The following DTNA variants were observed in gnomAD, a reference collection of about 807,000 sequenced individuals.
DTNA encodes dystrobrevin alpha, also known as dystrophin-related protein 3.
DTNA carries 43 observed loss-of-function variants against 100.7 expected under a neutral mutation model. The ratio of observed to expected loss-of-function variants is 0.43; its 90% CI spans 0.33 to 0.55. DTNA has a LOEUF of 0.55. Among genes scored for constraint, DTNA ranks in the 20% least tolerant of loss-of-function variants. The pLI is 0.04. For missense variants in DTNA, 798 were observed against 953.9 expected, an observed-to-expected ratio of 0.84 and a Z score of 2.15; for synonymous variants, 349 against 347.9, an observed-to-expected ratio of 1.00 and a Z score of -0.04.
At chr18:34,660,292 G>A (rs994442640) in intron 1 of DTNA, among the ~76,000 whole-genome samples, 5 of 151,836 alleles carry the variant, frequency 3.3e-5, no homozygotes, top group Non-Finnish European at 7.4e-5. Context: ...GAGAGGAAGT[G>A]GGGGGTCAGA....
chr18:34,555,656 G>A lies in DTNA; in HGVS notation c.-2+62142G>A, dbSNP rs1485013987. Among the ~76,000 whole-genome samples, 9 of 152,232 alleles carry A rather than the reference G, an allele frequency of 5.9e-5. No homozygotes were observed. The East Asian group carries it at 1.7e-3, about 29-fold the overall frequency. The stretch of plus-strand genomic sequence containing the variant: ...GTATCCAGTAGTCGTTCAGGAGCAG[G>A]TTGTTCAGTTTCCATGTAGTTGAGC... On this transcript the variant is annotated intron_variant, in intron 1 of 19. Transcript: ENST00000283365.
intron 1 of DTNA, among the ~76,000 whole-genome samples, chr18:34,624,145 C>CA (rs1000967853): frequency 1.1e-3 from 166 of 150,932 alleles, no homozygotes; most frequent in African/African-American, 3.3e-3. Flanking sequence ...ATCAAAAAAG[C>CA]AAAAAAAATA....
intron 15 of DTNA, among the ~76,000 whole-genome samples, chr18:34,854,479 G>C (rs1296671658): frequency 6.6e-6 from 1 of 152,046 alleles, no homozygotes; most frequent in Non-Finnish European, 1.5e-5. Flanking sequence ...CCATAATAAA[G>C]GCAACAGAAA....
intron 1 of DTNA, among the ~76,000 whole-genome samples, chr18:34,657,770 G>C (rs1470672788): frequency 2.0e-5 from 3 of 152,128 alleles, no homozygotes. Flanking sequence ...TATGCATTTG[G>C]GAAGGAGGGG....
chr18:34,890,429 G>A lies in DTNA; in HGVS notation c.*2695G>A. The A allele has an allele frequency of 6.5e-7, 1 of 1,536,032 alleles. No homozygotes were observed. Among genetic ancestry groups the A allele is most frequent in the Admixed American group, 2.0e-5 (1 of 50,992 alleles). ...CTTGGCTCTCCAGATTTACTTTTGG[G>A]GCCTGTTCTAAGTGCAAACCCAGCA... On this transcript the variant is annotated 3_prime_UTR_variant, in exon 23 of 23. Coordinates refer to ENST00000444659, the MANE Select transcript of DTNA (RefSeq NM_001386795.1).
At chr18:34,649,927 T>A (rs1490595181) in intron 1 of DTNA, among the ~76,000 whole-genome samples, 14 of 152,192 alleles carry the variant, frequency 9.2e-5, no homozygotes. Context: ...TCAGTTTGTA[T>A]GTGGTTGTAG....
intron 13 of DTNA, among the ~76,000 whole-genome samples, chr18:34,841,561 A>G (rs924300829): frequency 6.6e-6 from 1 of 152,168 alleles, no homozygotes; most frequent in Non-Finnish European, 1.5e-5. Flanking sequence ...GTATTTATGA[A>G]ATGCTCCAAA....
intron 1 of DTNA, among the ~76,000 whole-genome samples, chr18:34,647,547 C>T (rs971706090): frequency 6.6e-6 from 1 of 152,162 alleles, no homozygotes; most frequent in African/African-American, 2.4e-5. Context: ...GAGCTGCGTG[C>T]CAGGAAGAGG....
chr18:34,685,335 C>T (rs1006544647), intron 1 of DTNA, among the ~76,000 whole-genome samples: 2 of 152,140 alleles, frequency 1.3e-5, no homozygotes, highest in South Asian at 4.1e-4. Flanking sequence ...AGGAAAGGGT[C>T]CAGTTTCAGC....
intron 9 of DTNA, among the ~76,000 whole-genome samples, chr18:34,822,807 G>C (rs2095757942): frequency 6.6e-6 from 1 of 152,042 alleles, no homozygotes; most frequent in Non-Finnish European, 1.5e-5. Context: ...CTTAGTTTAT[G>C]TTCCATGGAG....
At chr18:34,807,629 CA>C (rs2095394427) in intron 5 of DTNA, among the ~76,000 whole-genome samples, 1 of 152,208 alleles carries the variant, frequency 6.6e-6, no homozygotes, top group South Asian at 2.1e-4. Flanking sequence ...AAAGGGACAA[CA>C]AAGCCTCAGG....
chr18:34,820,302 T>A (rs973690757), intron 8 of DTNA, among the ~76,000 whole-genome samples: 1 of 152,132 alleles, frequency 6.6e-6, no homozygotes, highest in African/African-American at 2.4e-5. Context: ...TGTTCTTAAG[T>A]GAGAGCAGTC....
intron 8 of DTNA, among the ~76,000 whole-genome samples, chr18:34,819,685 G>A (rs531089341): frequency 9.9e-5 from 15 of 152,236 alleles, no homozygotes; most frequent in African/African-American, 3.4e-4. Flanking sequence ...TACAAAGAAG[G>A]ATCAGACTCC....
intron 17 of DTNA, among the ~76,000 whole-genome samples, chr18:34,865,298 T>C (rs944302366): frequency 6.6e-6 from 1 of 152,046 alleles, no homozygotes; most frequent in Non-Finnish European, 1.5e-5. Flanking sequence ...TTTGTCTACC[T>C]TTCTCTTTTC....
At chr18:34,765,093 G>A (rs1045605368) in intron 2 of DTNA, among the ~76,000 whole-genome samples, 7 of 152,140 alleles carry the variant, frequency 4.6e-5, no homozygotes, top group Admixed American at 1.3e-4. Flanking sequence ...GGGCAATGTC[G>A]TTAGGCAAGT....
At chr18:34,506,835 T>C (rs557002357) in intron 1 of DTNA, among the ~76,000 whole-genome samples, 118 of 152,284 alleles carry the variant, frequency 7.7e-4, no homozygotes, top group Middle Eastern at 3.4e-3. Context: ...ATATATAAAA[T>C]ACAGGGGTTT....
At chr18:34,719,168 A>G (rs1285693025) in intron 1 of DTNA, among the ~76,000 whole-genome samples, 2 of 151,876 alleles carry the variant, frequency 1.3e-5, no homozygotes, top group Non-Finnish European at 2.9e-5. Context: ...CGTCTCTACT[A>G]AAAATACAAA....
At chr18:34,568,526 C>T (rs184635387) in intron 1 of DTNA, among the ~76,000 whole-genome samples, 55 of 152,262 alleles carry the variant, frequency 3.6e-4, no homozygotes, top group African/African-American at 1.2e-3. Flanking sequence ...TGTCTTTTTA[C>T]TTTCCTACAG....
intron 6 of DTNA, among the ~76,000 whole-genome samples, chr18:34,813,132 A>T (rs2095518918): frequency 6.6e-6 from 1 of 152,160 alleles, no homozygotes; most frequent in Non-Finnish European, 1.5e-5. Flanking sequence ...CATACATTAA[A>T]GGTTAGTTTA....
Sources: gnomAD v4.1 joint callset for allele counts (sites outside exome capture counted in the v4.1 genomes callset) on GRCh38, gnomAD v4.1.1 for gene constraint, MANE v1.5 for transcripts, NCBI Gene and HGNC (gene_info 2026-07-23, HGNC 2026-07-21) for gene names.